GRIK4: variants seen among roughly 807,000 people sequenced by gnomAD.
GRIK4 encodes the protein glutamate ionotropic receptor kainate type subunit 4, also known as glutamate receptor ionotropic, kainate 4.
Under a neutral mutation model 104.9 loss-of-function variants are expected in GRIK4, and 40 were observed. The observed-to-expected ratio is 0.38, with a 90% CI of 0.30 to 0.50. The LOEUF is 0.50. GRIK4 is among the 20% of genes least tolerant of loss of function. The pLI is 0.93. For missense variants in GRIK4, 1,047 were observed against 1,308.1 expected (o/e 0.80, Z 3.08); for synonymous variants, 485 against 524.9 (o/e 0.92, Z 1.04).
At chr11:120,527,362 C>G (rs772592546) in intron 1 of GRIK4, among the ~76,000 whole-genome samples, 2 of 152,168 alleles carry the variant, frequency 1.3e-5, no homozygotes, top group Non-Finnish European at 2.9e-5. Flanking sequence ...TCTGCAGGGT[C>G]TGCTGGGTGG....
At chr11:120,643,757 C>T (rs963068370) in intron 1 of GRIK4, among the ~76,000 whole-genome samples, 3 of 152,118 alleles carry the variant, frequency 2.0e-5, no homozygotes, top group Non-Finnish European at 2.9e-5. Context: ...TAGGATTTGA[C>T]GAAGTGACCG....
chr11:120,769,240 G>A (rs1298564718), intron 3 of GRIK4, among the ~76,000 whole-genome samples: 1 of 151,470 alleles, frequency 6.6e-6, no homozygotes, highest in Admixed American at 6.6e-5. Flanking sequence ...CAAGCTTTCT[G>A]TTTCTTCCTG....
intron 15 of GRIK4, among the ~76,000 whole-genome samples, chr11:120,955,728 C>T (rs555463404): frequency 6.6e-6 from 1 of 152,274 alleles, no homozygotes; most frequent in African/African-American, 2.4e-5. Context: ...CACTGGGGAG[C>T]TTTAAACAAA....
chr11:120,601,607 T>C (rs1948887577), intron 1 of GRIK4, among the ~76,000 whole-genome samples: 1 of 151,014 alleles, frequency 6.6e-6, no homozygotes, highest in African/African-American at 2.4e-5. Flanking sequence ...GTCTCATAAT[T>C]GACTGGTTTT....
At chr11:120,696,797 C>A (rs1950457036) in intron 3 of GRIK4, among the ~76,000 whole-genome samples, 1 of 152,072 alleles carries the variant, frequency 6.6e-6, no homozygotes, top group East Asian at 1.9e-4. Flanking sequence ...GGGAGCGCCC[C>A]CTAGAGGGCC....
intron 1 of GRIK4, among the ~76,000 whole-genome samples, chr11:120,529,124 A>AC (rs1485058398): frequency 2.0e-5 from 3 of 149,650 alleles, no homozygotes; most frequent in South Asian, 4.3e-4. Context: ...AGCCTGCATA[A>AC]CCCCCCACCC....
chr11:120,567,811 A>G (rs928405677), intron 1 of GRIK4, among the ~76,000 whole-genome samples: 1 of 152,224 alleles, frequency 6.6e-6, no homozygotes, highest in Non-Finnish European at 1.5e-5. Context: ...GCTTTTTAAA[A>G]GTCTTATGTT....
intron 11 of GRIK4, among the ~76,000 whole-genome samples, chr11:120,898,199 T>C (rs1275686520): frequency 2.6e-5 from 4 of 152,232 alleles, no homozygotes; most frequent in Non-Finnish European, 4.4e-5. Flanking sequence ...AGCCCATCCC[T>C]GCCTCAAAAT....
At chr11:120,572,966 A>G (rs1044659278) in intron 1 of GRIK4, among the ~76,000 whole-genome samples, 3 of 152,220 alleles carry the variant, frequency 2.0e-5, no homozygotes, top group Admixed American at 2.0e-4. Flanking sequence ...AGAGGTAACC[A>G]TACTCCATTC....
At chr11:120,753,750 G>C (rs187235334) in intron 3 of GRIK4, among the ~76,000 whole-genome samples, 6 of 152,294 alleles carry the variant, frequency 3.9e-5, no homozygotes, top group Admixed American at 1.3e-4. Context: ...GAAGACACCA[G>C]AATCTGTTTT....
intron 3 of GRIK4, among the ~76,000 whole-genome samples, chr11:120,677,459 G>GA (rs1950116967): frequency 6.6e-6 from 1 of 152,138 alleles, no homozygotes; most frequent in Non-Finnish European, 1.5e-5. Flanking sequence ...TATGTGTGAA[G>GA]AATGAGAACA....
intron 1 of GRIK4, among the ~76,000 whole-genome samples, chr11:120,644,944 T>C (rs1201121494): frequency 6.6e-6 from 1 of 152,186 alleles, no homozygotes; most frequent in Non-Finnish European, 1.5e-5. Context: ...GGTGGAGATA[T>C]GAGAGCTTTG....
chr11:120,787,270 G>A (rs561982115), intron 3 of GRIK4, among the ~76,000 whole-genome samples: 9 of 152,022 alleles, frequency 5.9e-5, no homozygotes, highest in Admixed American at 2.0e-4. Context: ...CCAAGGCTGC[G>A]GTGAGCCAAG....
chr11:120,904,874 C>T (rs1161503793), intron 12 of GRIK4, among the ~76,000 whole-genome samples: 1 of 152,342 alleles, frequency 6.6e-6, no homozygotes, highest in Non-Finnish European at 1.5e-5. Context: ...CCTCCTTGGA[C>T]TGCAGTTGCA....
chr11:120,972,037 G>C (rs1944483989), intron 19 of GRIK4, among the ~76,000 whole-genome samples: 1 of 152,180 alleles, frequency 6.6e-6, no homozygotes. Flanking sequence ...GAAGTCTTCT[G>C]TTCTGTCCTA....
chr11:120,965,472 G>T (rs781043853), intron 18 of GRIK4, among the ~76,000 whole-genome samples: 1 of 152,152 alleles, frequency 6.6e-6, no homozygotes, highest in South Asian at 2.1e-4. Flanking sequence ...ACTTGCACAC[G>T]TTCAGTGCTG....
At chr11:120,962,138 G>A (rs145965574) in intron 17 of GRIK4, among the ~76,000 whole-genome samples, 58 of 152,292 alleles carry the variant, frequency 3.8e-4, no homozygotes, top group African/African-American at 1.1e-3. Context: ...CAGTTCTACC[G>A]GAAAATGGAG....
chr11:120,961,910 A>G (rs778317846), intron 17 of GRIK4, among the ~76,000 whole-genome samples: 1 of 152,242 alleles, frequency 6.6e-6, no homozygotes, highest in African/African-American at 2.4e-5. Context: ...GCAAACACAG[A>G]GTTTGGATAG....
chr11:120,598,504 T>C (rs1351709842), intron 1 of GRIK4, among the ~76,000 whole-genome samples: 1 of 152,218 alleles, frequency 6.6e-6, no homozygotes, highest in African/African-American at 2.4e-5. Flanking sequence ...TGGCACGGTA[T>C]AGTGGTTAAC....
Sources: allele counts gnomAD v4.1 joint callset (sites outside exome capture counted in the v4.1 genomes callset), GRCh38; gene constraint gnomAD v4.1.1; transcripts MANE v1.5; gene names NCBI Gene and HGNC (gene_info 2026-07-23, HGNC 2026-07-21).